Variants in SP140L observed in about 807,000 individuals in gnomAD.
The protein encoded by SP140L is nuclear body protein SP140-like protein.
In SP140L, 64 loss-of-function variants were observed where a neutral mutation model predicts 84.3. The observed-to-expected ratio is 0.76, with a 90% confidence interval of 0.62 to 0.94. The LOEUF is 0.94. Among genes scored for constraint, SP140L ranks in the 40% least tolerant of loss-of-function variants. SP140L has a pLI of 0.00. For missense variants in SP140L, 628 were observed against 692.5 expected (o/e 0.91, Z 1.05); for synonymous variants, 242 against 236.9 (o/e 1.02, Z -0.20).
intron 5 of SP140L, among the ~76,000 whole-genome samples, chr2:230,365,794 T>G (rs575552313): frequency 6.6e-6 from 1 of 152,262 alleles, no homozygotes; most frequent in East Asian, 1.9e-4. Context: ...TTGAACTGCT[T>G]TTGCTGTATC....
rs925507490 is a variant in SP140L at position 230,327,639 on chromosome 2, A to G, written c.32+338A>G. On this transcript the variant is annotated intron_variant, in intron 1 of 18. Transcript: ENST00000415673. ...CTCATGAGAATGAGGAACACAAATTATATGTTTGTGTTTCAACAAACATTT... is the reference window on the plus strand; with the variant it reads ...CTCATGAGAATGAGGAACACAAATTGTATGTTTGTGTTTCAACAAACATTT... Among the ~76,000 whole-genome samples the G allele has an allele frequency of 9.2e-5, 14 of 152,186 alleles. 1 individual carries two copies. Among genetic ancestry groups the G allele is most frequent in the African/African-American group, 3.4e-4 (14 of 41,430 alleles).
intron 10 of SP140L, 66 bp from the exon 11 acceptor site, chr2:230,389,853 A>G: frequency 1.4e-6 from 2 of 1,448,306 alleles, no homozygotes; most frequent in Non-Finnish European, 1.9e-6. Context: ...TATAGGATTT[A>G]CCTCAGTGGG....
chr2:230,382,365 C>G (rs1431175345), intron 7 of SP140L, among the ~76,000 whole-genome samples: 1 of 152,090 alleles, frequency 6.6e-6, no homozygotes, highest in East Asian at 1.9e-4. Context: ...TTCTGAGAGA[C>G]AGATATCACC....
chr2:230,400,703 A>G, intron 15 of SP140L: 1 of 802,672 alleles, frequency 1.2e-6, no homozygotes, highest in African/African-American at 1.7e-5. Context: ...AGCAGCTCAG[A>G]CAGGGAAAGG....
At chr2:230,350,866 A>G (rs113980839) in intron 2 of SP140L, among the ~76,000 whole-genome samples, 2 of 152,312 alleles carry the variant, frequency 1.3e-5, no homozygotes, top group South Asian at 2.1e-4. Context: ...GCATAGATAC[A>G]TATATCTATG....
chr2:230,328,706 A>G, intron 1 of SP140L, 51 bp from the exon 2 acceptor site: 3 of 1,587,480 alleles, frequency 1.9e-6, no homozygotes, highest in Non-Finnish European at 2.6e-6. Flanking sequence ...TGTTGAAGCA[A>G]AGGGTGCTGT....
At chr2:230,327,976 G>T (rs757963675) in intron 1 of SP140L, among the ~76,000 whole-genome samples, 3 of 152,196 alleles carry the variant, frequency 2.0e-5, no homozygotes, top group Admixed American at 6.5e-5. Context: ...CCAAGATGGG[G>T]GATGCCTCTG....
intron 5 of SP140L, among the ~76,000 whole-genome samples, chr2:230,366,363 C>T (rs2060869002): frequency 6.6e-6 from 1 of 152,028 alleles, no homozygotes; most frequent in Admixed American, 6.6e-5. Flanking sequence ...ACTGCTTCAT[C>T]ATTATATAAT....
Position 230,361,599 on chromosome 2 carries a change from T to TC in SP140L, c.440-14dup. ...ACAGATCTTTAATTGCTTTCTTCTC[T>TC]CTCCCACTCTTCAGCAATCCAAGAC... On this transcript the variant is annotated splice_polypyrimidine_tract_variant and intron_variant, in intron 4 of 18. Coordinates refer to ENST00000415673, the MANE Select transcript of SP140L (RefSeq NM_138402.6). 6.5e-7 allele frequency: 1 copy of TC among 1,550,020 alleles called. No homozygotes were observed. Among genetic ancestry groups the TC allele is most frequent in the Non-Finnish European group, 8.7e-7 (1 of 1,144,272 alleles).
chr2:230,380,312 A>G (rs544675578), intron 7 of SP140L, among the ~76,000 whole-genome samples: 64 of 152,286 alleles, frequency 4.2e-4, no homozygotes, highest in African/African-American at 1.5e-3. Context: ...CCACATGAGA[A>G]TAAGGGAGCT....
At chr2:230,358,060 G>A in intron 3 of SP140L, 93 bp downstream of exon 3, 5 of 1,433,638 alleles carry the variant, frequency 3.5e-6, no homozygotes, top group Non-Finnish European at 4.8e-6. Flanking sequence ...AAGGAGAGGA[G>A]AAGCAGAGGT....
chr2:230,394,957 T>A (rs2149817278), intron 13 of SP140L, among the ~76,000 whole-genome samples: 1 of 152,104 alleles, frequency 6.6e-6, no homozygotes, highest in African/African-American at 2.4e-5. Context: ...GAATAATCGT[T>A]GTGTGCTAAT....
chr2:230,345,039 A>G (rs544678882), intron 2 of SP140L, among the ~76,000 whole-genome samples: 2 of 152,348 alleles, frequency 1.3e-5, no homozygotes, highest in Admixed American at 6.5e-5. Context: ...GTCTGGTTCA[A>G]GATCAAAATC....
intron 15 of SP140L, 48 bp downstream of exon 15, chr2:230,400,290 A>C (rs1451956124): frequency 6.3e-7 from 1 of 1,575,146 alleles, no homozygotes. Flanking sequence ...GGGACCTTCC[A>C]CCTGCCATGC....
chr2:230,377,386 AT>A (rs2061276194), intron 7 of SP140L, among the ~76,000 whole-genome samples: 1 of 152,208 alleles, frequency 6.6e-6, no homozygotes, highest in African/African-American at 2.4e-5. Context: ...ATATAAATGA[AT>A]TCATACAGTA....
At chr2:230,374,590 G>C (rs2149775159) in intron 7 of SP140L, among the ~76,000 whole-genome samples, 1 of 152,294 alleles carries the variant, frequency 6.6e-6, no homozygotes, top group Non-Finnish European at 1.5e-5. Context: ...AATCTTTCAT[G>C]AAGTCCATCA....
chr2:230,402,805 AT>A lies in SP140L; in HGVS notation c.1656del (p.Phe552LeufsTer36). On this transcript the variant is annotated frameshift_variant, in exon 19 of 19. Transcript: ENST00000415673. LOFTEE classifies it low-confidence loss of function (END_TRUNC). Reference protein sequence around the residue: ...QNHRASYKYKDFGQMGLRLEA... With the variant: ...QNHRASYKYKXFGQMGLRLEA... ...TTTATTACTTTTTTCCAGTATAAGG[AT>A]TTTGGCCAAATGGGACTTAGACTGG... 6.2e-7 allele frequency: 1 copy of A among 1,611,916 alleles called. No homozygotes were observed. The highest frequency in any genetic ancestry group is 1.7e-5 in the Admixed American group (1 of 59,454).
chr2:230,329,103 A>C (rs545941081), intron 2 of SP140L, among the ~76,000 whole-genome samples: 1 of 152,296 alleles, frequency 6.6e-6, no homozygotes, highest in East Asian at 1.9e-4. Flanking sequence ...TTCATGTATA[A>C]ACATCTTACG....
chr2:230,333,419 A>G (rs922336971), intron 2 of SP140L, among the ~76,000 whole-genome samples: 21 of 152,158 alleles, frequency 1.4e-4, no homozygotes, highest in Middle Eastern at 6.8e-3. Flanking sequence ...CGGCCTCCCA[A>G]AGTGCTGGGA....
Sources: allele counts gnomAD v4.1 joint callset (sites outside exome capture counted in the v4.1 genomes callset), GRCh38; gene constraint gnomAD v4.1.1; transcripts MANE v1.5; gene names NCBI Gene and HGNC (gene_info 2026-07-23, HGNC 2026-07-21).